Variants in GC observed in about 807,000 individuals in gnomAD.
GC encodes the protein GC vitamin D binding protein.
A neutral mutation model predicts 56.7 loss-of-function variants in GC; 43 were observed. That is an observed-to-expected ratio of 0.76 (90% CI 0.59 to 0.98). The LOEUF is 0.98. Among genes scored for constraint, GC ranks in the 50% least tolerant of loss-of-function variants. The pLI, the probability that GC is intolerant of heterozygous loss-of-function variation, is 0.00. For synonymous variants in GC, 216 were observed against 202.7 expected (o/e 1.07, Z -0.56); for missense variants, 529 against 545.9 (o/e 0.97, Z 0.31).
chr4:71,761,447 A>C (rs921000086), intron 6 of GC, among the ~76,000 whole-genome samples: 1 of 152,228 alleles, frequency 6.6e-6, no homozygotes, highest in African/African-American at 2.4e-5. Flanking sequence ...ATTTGCAGCC[A>C]GACAATGTGA....
chr4:71,754,605 C>T, intron 9 of GC, 97 bp from the exon 10 acceptor site: 2 of 719,154 alleles, frequency 2.8e-6, no homozygotes, highest in Non-Finnish European at 4.8e-6. Context: ...TATCATTAAG[C>T]ATTGGCAACT....
At chr4:71,769,562 C>T in intron 1 of GC, 162 bp from the exon 2 acceptor site, 1 of 570,114 alleles carries the variant, frequency 1.8e-6, no homozygotes. Flanking sequence ...TAGCTCTTCT[C>T]TCATAACAGG....
chr4:71,754,550 G>T (rs1266395194), intron 9 of GC, 42 bp from the exon 10 acceptor site: 3 of 1,042,414 alleles, frequency 2.9e-6, no homozygotes, highest in Non-Finnish European at 4.4e-6. Context: ...TATTTGTCTT[G>T]AAACCTTGTC....
At chr4:71,804,078 G>C, upstream of GC, 2 of 695,230 alleles carry the variant, frequency 2.9e-6, no homozygotes, top group East Asian at 2.7e-5. Flanking sequence ...ACAAAGATTT[G>C]TATGCAAGCT....
chr4:71,791,070 G>A (rs554037955), intron 1 of GC, among the ~76,000 whole-genome samples: 1 of 152,034 alleles, frequency 6.6e-6, no homozygotes, highest in African/African-American at 2.4e-5. Flanking sequence ...TCAGAGAAAT[G>A]CAATTCACTT....
chr4:71,804,477 C>G (rs1172330167), upstream of GC, among the ~76,000 whole-genome samples: 2 of 152,062 alleles, frequency 1.3e-5, no homozygotes, highest in Non-Finnish European at 2.9e-5. Context: ...AGCATTGCAG[C>G]CTTTATGTTT....
At chr4:71,779,690 G>A (rs572995140) in intron 1 of GC, among the ~76,000 whole-genome samples, 44 of 151,966 alleles carry the variant, frequency 2.9e-4, no homozygotes, top group African/African-American at 1.1e-3. Flanking sequence ...TAAGCTGGTG[G>A]TGTTTTACAG....
intron 1 of GC, chr4:71,769,648 A>G (rs1742283435): frequency 5.2e-6 from 2 of 385,224 alleles, no homozygotes; most frequent in East Asian, 1.0e-4. Context: ...TACTGAACGT[A>G]AGTGAGTCAA....
At chr4:71,747,774 T>A (rs114522037) in intron 11 of GC, among the ~76,000 whole-genome samples, 4,421 of 152,180 alleles carry the variant, frequency 0.029, 202 homozygotes, top group African/African-American at 0.1. Context: ...TTATTTATTA[T>A]TTTTTGAGAT....
intron 5 of GC, 118 bp from the exon 6 acceptor site, chr4:71,763,620 GGT>G: frequency 1.3e-6 from 1 of 760,822 alleles, no homozygotes; most frequent in Non-Finnish European, 2.2e-6. Context: ...ACTGAACACT[GGT>G]GAAAGGAACT....
chr4:71,778,688 G>A lies in GC; in HGVS notation c.58+5273C>T, dbSNP rs532982325. Reference sequence around the variant, plus strand: ...GAAACTTTGTTGGCCCAAACCATGAGGGCCAAAGAAAACATCCATATGAGG... The same window carrying A: ...GAAACTTTGTTGGCCCAAACCATGAAGGCCAAAGAAAACATCCATATGAGG... On this transcript the variant is annotated intron_variant, in intron 1 of 12. Transcript: ENST00000273951. Among the ~76,000 whole-genome samples the A allele has an allele frequency of 1.7e-3, 261 of 151,814 alleles. 3 individuals carry two copies. Among genetic ancestry groups the A allele is most frequent in the African/African-American group, 4.4e-3 (181 of 41,468 alleles).
chr4:71,744,336 G>A (rs1010914872), intron 12 of GC, among the ~76,000 whole-genome samples: 1 of 150,014 alleles, frequency 6.7e-6, no homozygotes, highest in African/African-American at 2.5e-5. Flanking sequence ...GCGGGCGCCT[G>A]TAGCCCCAGC....
chr4:71,769,618 A>G (rs1203567876), intron 1 of GC: 4 of 488,140 alleles, frequency 8.2e-6, no homozygotes, highest in East Asian at 3.8e-5. Context: ...CCAGCAGAAC[A>G]AAAGGAGAGA....
At chr4:71,777,619 C>T (rs1389026424) in intron 1 of GC, among the ~76,000 whole-genome samples, 1 of 148,290 alleles carries the variant, frequency 6.7e-6, no homozygotes, top group Non-Finnish European at 1.5e-5. Flanking sequence ...ATGCAATTGT[C>T]AAATAAAAGT....
chr4:71,755,184 A>T, intron 8 of GC, 77 bp from the exon 9 acceptor site: 1 of 94,826 alleles, frequency 1.1e-5, no homozygotes, highest in Non-Finnish European at 1.9e-5. Flanking sequence ...ATTTTTTGTG[A>T]CAGAGTCTCC....
Position 71,751,675 on chromosome 4 carries a change from G to C in GC, c.1395+843C>G, listed in dbSNP as rs74624464. 6.8e-3 allele frequency among the ~76,000 whole-genome samples: 1,036 copies of C among 151,976 alleles called. 18 individuals carry two copies. The highest frequency in any genetic ancestry group is 0.024 in the African/African-American group (991 of 41,428). ...AAGCGGGAGGGGAAGGAAGAAAAAG[G>C]GGAGACAGGGAGGAGGGGAAGGGAC... is the stretch of plus-strand genomic sequence containing the variant. On this transcript the variant is annotated intron_variant, in intron 11 of 12. Coordinates refer to ENST00000273951, the MANE Select transcript of GC (RefSeq NM_000583.4).
chr4:71,744,286 CAA>C (rs748337307), intron 12 of GC, among the ~76,000 whole-genome samples: 24 of 83,578 alleles, frequency 2.9e-4, no homozygotes, highest in South Asian at 1.3e-3. Context: ...ACTAAAAATA[CAA>C]AAAAAAAAAA....
chr4:71,783,661 A>G (rs766294984), intron 1 of GC, among the ~76,000 whole-genome samples: 3 of 151,784 alleles, frequency 2.0e-5, no homozygotes, highest in Non-Finnish European at 4.4e-5. Flanking sequence ...GCAAATGTCT[A>G]ATTTTAAATT....
intron 6 of GC, among the ~76,000 whole-genome samples, chr4:71,762,997 TACA>T (rs778423444): frequency 6.6e-6 from 1 of 152,230 alleles, no homozygotes. Context: ...CAAGTCTTCA[TACA>T]ACAAGTAAGA....
Sources: gnomAD v4.1 joint callset for allele counts (sites outside exome capture counted in the v4.1 genomes callset) on GRCh38, gnomAD v4.1.1 for gene constraint, MANE v1.5 for transcripts, NCBI Gene and HGNC (gene_info 2026-07-23, HGNC 2026-07-21) for gene names.